ABLIM1: variants seen among roughly 807,000 people sequenced by gnomAD.
ABLIM1 encodes the protein actin-binding LIM protein 1.
ABLIM1 carries 40 observed loss-of-function variants against 107.0 expected under a neutral mutation model. The ratio of observed to expected loss-of-function variants is 0.37; its 90% CI spans 0.29 to 0.49. The LOEUF is 0.49. Among genes scored for constraint, ABLIM1 ranks in the 20% least tolerant of loss-of-function variants. The pLI, the probability that ABLIM1 is intolerant of heterozygous loss-of-function variation, is 0.97. For synonymous variants in ABLIM1, 357 were observed against 357.3 expected, an observed-to-expected ratio of 1.00 and a Z score of 0.01; for missense variants, 857 against 1,008.5, an observed-to-expected ratio of 0.85 and a Z score of 2.04.
At chr10:114,625,792 T>C (rs2077752716) in intron 1 of ABLIM1, among the ~76,000 whole-genome samples, 1 of 152,192 alleles carries the variant, frequency 6.6e-6, no homozygotes, top group Non-Finnish European at 1.5e-5. Flanking sequence ...GAAAAATGGA[T>C]AGAAAATTTA....
intron 1 of ABLIM1, among the ~76,000 whole-genome samples, chr10:114,621,700 A>G (rs1443219126): frequency 6.6e-6 from 1 of 152,048 alleles, no homozygotes; most frequent in Non-Finnish European, 1.5e-5. Flanking sequence ...TCCATTTTGC[A>G]TTCTCCATCA....
intron 15 of ABLIM1, among the ~76,000 whole-genome samples, chr10:114,447,511 T>C (rs1313614756): frequency 1.3e-5 from 2 of 152,196 alleles, no homozygotes; most frequent in African/African-American, 4.8e-5. Context: ...ATTCGGTAAA[T>C]TCACCCACTA....
chr10:114,608,617 C>T (rs368375092), intron 1 of ABLIM1, among the ~76,000 whole-genome samples: 38 of 151,686 alleles, frequency 2.5e-4, no homozygotes, highest in Admixed American at 1.5e-3. Flanking sequence ...TGTGGTGAGC[C>T]GAGATCGTGC....
Position 114,431,201 on chromosome 10 carries a change from G to C in ABLIM1, c.*5059C>G, listed in dbSNP as rs929876131. The stretch of plus-strand genomic sequence containing the variant: ...CAAAGGAGTGCAGTGAGTGCTGCTG[G>C]CAACAGGAGCGGGGAGCAGGTAGGG... On this transcript the variant is annotated 3_prime_UTR_variant, in exon 23 of 23. Coordinates refer to ENST00000533213, the MANE Select transcript of ABLIM1 (RefSeq NM_002313.7). 1.3e-5 allele frequency: 2 copies of C among 152,290 alleles called. No homozygotes were observed. The highest frequency in any genetic ancestry group is 2.9e-5 in the Non-Finnish European group (2 of 68,086). The allele number at this position is 152,290 out of a possible 1,614,324, so 9.4% of individuals were successfully genotyped here.
intron 12 of ABLIM1, among the ~76,000 whole-genome samples, chr10:114,457,355 C>T (rs528132668): frequency 1.1e-4 from 17 of 152,132 alleles, no homozygotes; most frequent in African/African-American, 9.6e-5. Flanking sequence ...TTGTAACCTC[C>T]GCCTCCCAGG....
chr10:114,675,457 T>A (rs1410176370), intron 1 of ABLIM1, among the ~76,000 whole-genome samples: 1 of 152,174 alleles, frequency 6.6e-6, no homozygotes, highest in African/African-American at 2.4e-5. Context: ...TGCCTCCATG[T>A]AAGAGGTGAC....
chr10:114,636,711 G>A (rs1482093067), intron 1 of ABLIM1, among the ~76,000 whole-genome samples: 5 of 152,086 alleles, frequency 3.3e-5, no homozygotes, highest in African/African-American at 4.8e-5. Flanking sequence ...AGGCAAGGAG[G>A]GTTTCATTCA....
At position 114,465,439 on chromosome 10, in the gene ABLIM1, A is replaced by T. The variant is rs182645612; in HGVS notation, c.1441+259T>A. 180 of 298,274 alleles carry T rather than the reference A, an allele frequency of 6.0e-4. No homozygotes were observed. In the East Asian group the frequency reaches 9.6e-3, roughly 16 times the overall value. The allele number at this position is 298,274 out of a possible 1,614,324, so 18.5% of individuals were successfully genotyped here. A position where few individuals can be genotyped will look rare whatever the true frequency, so the allele number is the denominator to read the frequency against. ...TTTTGTTAATCGTAAAAAAATTTTT[A>T]AAAAAACCCCTTGCTTCCAGTAGCT... is the stretch of plus-strand genomic sequence containing the variant. On this transcript the variant is annotated intron_variant, in intron 12 of 22. Transcript: ENST00000533213.
intron 2 of ABLIM1, among the ~76,000 whole-genome samples, chr10:114,582,397 G>T (rs550172701): frequency 6.6e-6 from 1 of 152,288 alleles, no homozygotes; most frequent in African/African-American, 2.4e-5. Flanking sequence ...CATGCTCATG[G>T]ATTGGAAGAA....
At chr10:114,646,729 C>G (rs765687177) in intron 1 of ABLIM1, among the ~76,000 whole-genome samples, 3 of 152,192 alleles carry the variant, frequency 2.0e-5, no homozygotes, top group Non-Finnish European at 4.4e-5. Flanking sequence ...ATCTTTTCAG[C>G]AGCTGCTGCC....
intron 14 of ABLIM1, among the ~76,000 whole-genome samples, chr10:114,449,382 CGGGTAACCTTCT>C (rs2061513716): frequency 1.3e-5 from 2 of 152,174 alleles, no homozygotes; most frequent in South Asian, 4.1e-4. Context: ...CTCCATTTTT[CGGGTAACCTTCT>C]GGGTCTCAAT....
At chr10:114,751,349 T>C (rs1478497310) in intron 1 of ABLIM1, among the ~76,000 whole-genome samples, 1 of 152,146 alleles carries the variant, frequency 6.6e-6, no homozygotes, top group Non-Finnish European at 1.5e-5. Flanking sequence ...TAGTCTTATA[T>C]TAAGTCTCAT....
At chr10:114,575,333 T>G in intron 3 of ABLIM1, 83 bp downstream of exon 3, 1 of 1,472,836 alleles carries the variant, frequency 6.8e-7, no homozygotes, top group African/African-American at 1.4e-5. Flanking sequence ...AGACAAAAGG[T>G]GTATAATCCA....
chr10:114,577,160 A>G (rs773221623), intron 2 of ABLIM1, among the ~76,000 whole-genome samples: 6 of 152,318 alleles, frequency 3.9e-5, no homozygotes, highest in Admixed American at 6.5e-5. Context: ...CAAGATGGCA[A>G]GGTATTTGAG....
chr10:114,451,298 A>T (rs2061853102), intron 14 of ABLIM1, among the ~76,000 whole-genome samples: 1 of 152,218 alleles, frequency 6.6e-6, no homozygotes, highest in African/African-American at 2.4e-5. Flanking sequence ...AAGGGTGACT[A>T]TATTTGATGG....
chr10:114,448,067 G>A (rs754143750), intron 14 of ABLIM1, 47 bp from the exon 15 acceptor site: 1 of 1,611,584 alleles, frequency 6.2e-7, no homozygotes, highest in Admixed American at 1.7e-5. Context: ...TGGTCTGTAA[G>A]ACAATGGCGG....
At chr10:114,712,695 A>G (rs1158357176) in intron 1 of ABLIM1, among the ~76,000 whole-genome samples, 1 of 152,224 alleles carries the variant, frequency 6.6e-6, no homozygotes, top group Non-Finnish European at 1.5e-5. Flanking sequence ...GCTACTAGTG[A>G]AAACTTTCAG....
At chr10:114,740,693 T>C (rs2082268747) in intron 1 of ABLIM1, among the ~76,000 whole-genome samples, 1 of 152,090 alleles carries the variant, frequency 6.6e-6, no homozygotes, top group Non-Finnish European at 1.5e-5. Flanking sequence ...CTATATTAGA[T>C]ATAGTAACTT....
At chr10:114,573,299 T>C (rs769178442) in intron 3 of ABLIM1, among the ~76,000 whole-genome samples, 24 of 152,362 alleles carry the variant, frequency 1.6e-4, no homozygotes, top group Middle Eastern at 3.4e-3. Flanking sequence ...TATTAACTCC[T>C]GGTTCCCTTC....
Sources: allele counts gnomAD v4.1 joint callset (sites outside exome capture counted in the v4.1 genomes callset), GRCh38; gene constraint gnomAD v4.1.1; transcripts MANE v1.5; gene names NCBI Gene and HGNC (gene_info 2026-07-23, HGNC 2026-07-21).